PACSIN2: variants seen among roughly 807,000 people sequenced by gnomAD.
PACSIN2 encodes the protein protein kinase C and casein kinase substrate in neurons 2.
PACSIN2 carries 25 observed loss-of-function variants against 63.8 expected under a neutral mutation model. The observed-to-expected ratio is 0.39, with a 90% confidence interval of 0.29 to 0.55. The LOEUF (loss-of-function observed/expected upper bound fraction) is 0.55, where lower values mean the gene tolerates loss of function less well. Among genes scored for constraint, PACSIN2 ranks in the 20% least tolerant of loss-of-function variants. The pLI is 0.62. For missense variants in PACSIN2, 518 were observed against 646.9 expected, an observed-to-expected ratio of 0.80 and a Z score of 2.16; for synonymous variants, 255 against 256.2, an observed-to-expected ratio of 1.00 and a Z score of 0.05.
intron 1 of PACSIN2, among the ~76,000 whole-genome samples, chr22:42,985,766 G>A (rs1022799522): frequency 1.3e-5 from 2 of 152,160 alleles, no homozygotes; most frequent in Non-Finnish European, 2.9e-5. Flanking sequence ...AAAATGTCCT[G>A]GAAATCTGAT....
chr22:42,982,882 A>C (rs546555472), intron 1 of PACSIN2, among the ~76,000 whole-genome samples: 2 of 136,352 alleles, frequency 1.5e-5, no homozygotes, highest in East Asian at 2.2e-4. Flanking sequence ...AAAAAAAAAA[A>C]AAAAAAAACA....
chr22:42,884,687 T>C, intron 5 of PACSIN2, 126 bp from the exon 6 acceptor site: 1 of 686,438 alleles, frequency 1.5e-6, no homozygotes, highest in South Asian at 2.0e-5. Flanking sequence ...CTCTGGATTC[T>C]GACAGACTTC....
intron 1 of PACSIN2, among the ~76,000 whole-genome samples, chr22:42,927,842 C>A (rs760291346): frequency 8.5e-5 from 13 of 152,164 alleles, no homozygotes; most frequent in Non-Finnish European, 1.5e-4. Context: ...CTGCCTCAGC[C>A]TCCCAAAGTG....
chr22:42,926,105 G>A (rs1480451693), intron 1 of PACSIN2, among the ~76,000 whole-genome samples: 2 of 152,222 alleles, frequency 1.3e-5, no homozygotes, highest in African/African-American at 4.8e-5. Context: ...TTTGTTTCCA[G>A]TGATTTCATC....
chr22:42,902,289 T>C (rs1237876857), intron 2 of PACSIN2, among the ~76,000 whole-genome samples: 1 of 152,110 alleles, frequency 6.6e-6, no homozygotes, highest in Non-Finnish European at 1.5e-5. Context: ...CTGAGGAAAA[T>C]GCCATGAGGC....
chr22:42,882,151 G>T, intron 7 of PACSIN2, 33 bp downstream of exon 7: 1 of 1,611,944 alleles, frequency 6.2e-7, no homozygotes, highest in Non-Finnish European at 8.5e-7. Flanking sequence ...CCTCTTCCAG[G>T]CTGATGAGCT....
At chr22:43,008,179 A>C (rs1924220831) in intron 1 of PACSIN2, among the ~76,000 whole-genome samples, 1 of 152,242 alleles carries the variant, frequency 6.6e-6, no homozygotes, top group Non-Finnish European at 1.5e-5. Flanking sequence ...AAATAAAAAT[A>C]AAAAACATCT....
At chr22:42,941,634 A>G (rs1933163251) in intron 1 of PACSIN2, among the ~76,000 whole-genome samples, 1 of 152,164 alleles carries the variant, frequency 6.6e-6, no homozygotes, top group Non-Finnish European at 1.5e-5. Flanking sequence ...TGTTTCCCTA[A>G]TGACTAGTGA....
intron 1 of PACSIN2, among the ~76,000 whole-genome samples, chr22:42,992,800 T>G (rs535111922): frequency 6.6e-6 from 1 of 152,304 alleles, no homozygotes; most frequent in South Asian, 2.1e-4. Flanking sequence ...AACTGATAAA[T>G]GCTACAACAA....
intron 1 of PACSIN2, among the ~76,000 whole-genome samples, chr22:42,946,524 T>G (rs749335936): frequency 6.6e-6 from 1 of 152,168 alleles, no homozygotes; most frequent in African/African-American, 2.4e-5. Context: ...CACTCCAGCC[T>G]GGGGGAAAGA....
At chr22:42,933,065 A>C (rs1932815268) in intron 1 of PACSIN2, among the ~76,000 whole-genome samples, 1 of 152,238 alleles carries the variant, frequency 6.6e-6, no homozygotes, top group Non-Finnish European at 1.5e-5. Context: ...AGAATTTGAA[A>C]ACACCTGGCA....
In PACSIN2 at chr22:42,931,810, T is replaced by C. The variant is rs2146776519; in HGVS notation, c.-77-19653A>G. Among the ~76,000 whole-genome samples the C allele has an allele frequency of 2.0e-5, 3 of 152,212 alleles. 1 individual carries two copies. In the South Asian group the frequency reaches 6.2e-4, roughly 32 times the overall value. ...AACCAGGGTATATTCACTTACACAATCCCTCTCTTCCAAAACAGCCCAGAA... is the reference window on the plus strand; with the variant it reads ...AACCAGGGTATATTCACTTACACAACCCCTCTCTTCCAAAACAGCCCAGAA... On this transcript the variant is annotated intron_variant, in intron 1 of 10. Coordinates refer to ENST00000263246, the MANE Select transcript of PACSIN2 (RefSeq NM_001184970.3).
intron 1 of PACSIN2, among the ~76,000 whole-genome samples, chr22:42,960,747 G>A (rs528013793): frequency 3.3e-5 from 5 of 152,300 alleles, no homozygotes; most frequent in Admixed American, 3.3e-4. Flanking sequence ...GAGGGTTTTG[G>A]AGCTGTGCTG....
At chr22:42,958,427 G>C (rs1934002093) in intron 1 of PACSIN2, among the ~76,000 whole-genome samples, 1 of 152,098 alleles carries the variant, frequency 6.6e-6, no homozygotes, top group South Asian at 2.1e-4. Context: ...AAAAAAGGAA[G>C]GCGTATTTTT....
chr22:42,890,502 G>A (rs1167475442), intron 4 of PACSIN2, among the ~76,000 whole-genome samples: 1 of 152,036 alleles, frequency 6.6e-6, no homozygotes. Context: ...TGGATCACCT[G>A]AGGTCAAGAG....
intron 7 of PACSIN2, among the ~76,000 whole-genome samples, chr22:42,881,224 G>A (rs1052104287): frequency 1.3e-5 from 2 of 152,190 alleles, no homozygotes; most frequent in African/African-American, 2.4e-5. Flanking sequence ...GCTATGAGGC[G>A]CCCAGGAGGT....
chr22:42,971,291 T>C (rs1271139469), intron 1 of PACSIN2, among the ~76,000 whole-genome samples: 1 of 152,186 alleles, frequency 6.6e-6, no homozygotes, highest in Non-Finnish European at 1.5e-5. Flanking sequence ...TTCGCCGTGT[T>C]GGCCGGGCTG....
At chr22:42,993,022 C>T (rs4822244) in intron 1 of PACSIN2, among the ~76,000 whole-genome samples, 92,629 of 151,938 alleles carry the variant, frequency 0.61, 28,851 homozygotes, top group East Asian at 0.8. Context: ...AAAAATTGGC[C>T]GGGCATGGCA....
In PACSIN2 at chr22:43,007,971, C is replaced by A. The variant is rs368539596; in HGVS notation, c.-78+7050G>T. On this transcript the variant is annotated intron_variant, in intron 1 of 10. Coordinates refer to ENST00000263246, the MANE Select transcript of PACSIN2 (RefSeq NM_001184970.3). ...AAATGAAAATAAAAAGCAGGTACTT[C>A]CACGGGCAGCTTAATGGAGTGCCCC... Among the ~76,000 whole-genome samples, 10 of 152,170 alleles carry A rather than the reference C, an allele frequency of 6.6e-5. No individual in the cohort carries two copies. The East Asian group carries it at 1.5e-3, about 23-fold the overall frequency.
Sources: gnomAD v4.1 joint callset for allele counts (sites outside exome capture counted in the v4.1 genomes callset) on GRCh38, gnomAD v4.1.1 for gene constraint, MANE v1.5 for transcripts, NCBI Gene and HGNC (gene_info 2026-07-23, HGNC 2026-07-21) for gene names.